KANSL1: variants seen among roughly 807,000 people sequenced by gnomAD.
KANSL1 encodes the protein MLL1/MLL complex subunit KANSL1.
A neutral mutation model predicts 103.6 loss-of-function variants in KANSL1; 22 were observed. That is an observed-to-expected ratio of 0.21 (90% CI 0.15 to 0.30). The LOEUF (loss-of-function observed/expected upper bound fraction) is 0.30. Ranked by LOEUF, KANSL1 falls within the 10% of genes least tolerant of loss-of-function variation. KANSL1 has a pLI of 1.00. For missense variants in KANSL1, 1,337 were observed against 1,399.8 expected (o/e 0.96, Z 0.72); for synonymous variants, 600 against 527.6 (o/e 1.14, Z -1.88).
At chr17:46,177,470 T>TA (rs919135323) in intron 1 of KANSL1, among the ~76,000 whole-genome samples, 1 of 152,206 alleles carries the variant, frequency 6.6e-6, no homozygotes, top group Non-Finnish European at 1.5e-5. Context: ...AAAACTCGGT[T>TA]AAATTATTAA....
At chr17:46,091,142 C>T (rs111364350) in intron 3 of KANSL1, among the ~76,000 whole-genome samples, 21,662 of 151,904 alleles carry the variant, frequency 0.14, 2,122 homozygotes, top group Non-Finnish European at 0.22. Flanking sequence ...ACAGTAATAC[C>T]GACAAACCTG....
intron 2 of KANSL1, among the ~76,000 whole-genome samples, chr17:46,097,506 C>T (rs1422681195): frequency 1.3e-5 from 2 of 152,184 alleles, no homozygotes; most frequent in Non-Finnish European, 2.9e-5. Context: ...TCCTCATTAT[C>T]TCTGGAAAGG....
At chr17:46,043,292 T>A (rs1285299522) in intron 7 of KANSL1, 1 of 149,292 alleles carries the variant, frequency 6.7e-6, no homozygotes, top group African/African-American at 2.4e-5. Flanking sequence ...CTCCCAAATC[T>A]GAAAATGAAG....
intron 4 of KANSL1, among the ~76,000 whole-genome samples, chr17:46,077,975 T>A (rs1234580976): frequency 2.6e-5 from 4 of 152,188 alleles, no homozygotes; most frequent in African/African-American, 9.7e-5. Context: ...CATATTCTCA[T>A]GTTTATTCAT....
chr17:46,225,094 A>C (rs2048644656), upstream of KANSL1, among the ~76,000 whole-genome samples: 1 of 151,528 alleles, frequency 6.6e-6, no homozygotes, highest in African/African-American at 2.4e-5. Flanking sequence ...CAGGCCTACG[A>C]GTGGGCGCTG....
chr17:46,118,118 A>C (rs949264313), intron 2 of KANSL1, among the ~76,000 whole-genome samples: 1 of 152,214 alleles, frequency 6.6e-6, no homozygotes, highest in Non-Finnish European at 1.5e-5. Flanking sequence ...ATAATCTGTG[A>C]TATGAAGCAA....
chr17:46,150,945 A>AC (rs71138527), intron 2 of KANSL1, among the ~76,000 whole-genome samples: 2 of 142,676 alleles, frequency 1.4e-5, no homozygotes, highest in Non-Finnish European at 1.5e-5. Flanking sequence ...AAAAAAAAAA[A>AC]CACGAGTATC....
chr17:46,128,008 G>A (rs918418444), intron 2 of KANSL1, among the ~76,000 whole-genome samples: 3 of 151,520 alleles, frequency 2.0e-5, no homozygotes, highest in African/African-American at 7.3e-5. Context: ...TACAAACAAA[G>A]TCTCGCTATA....
chr17:46,147,097 T>C (rs989881543), intron 2 of KANSL1, among the ~76,000 whole-genome samples: 1 of 152,132 alleles, frequency 6.6e-6, no homozygotes, highest in East Asian at 1.9e-4. Flanking sequence ...AGCCAATGAA[T>C]TGACTAAGAA....
chr17:46,107,459 T>C (rs907027828), intron 2 of KANSL1, among the ~76,000 whole-genome samples: 9 of 112,996 alleles, frequency 8.0e-5, no homozygotes, highest in African/African-American at 2.4e-4. Flanking sequence ...CCAACAAAGG[T>C]GAGTACTCCC....
At chr17:46,136,651 C>T (rs547748771) in intron 2 of KANSL1, among the ~76,000 whole-genome samples, 1 of 152,260 alleles carries the variant, frequency 6.6e-6, no homozygotes, top group South Asian at 2.1e-4. Context: ...ACCTAGGTTC[C>T]ACGTTTCCAA....
intron 2 of KANSL1, among the ~76,000 whole-genome samples, chr17:46,112,730 T>A (rs76052764): frequency 8.7e-6 from 1 of 115,524 alleles, no homozygotes; most frequent in Admixed American, 9.3e-5. Context: ...ATAAATTTTT[T>A]TTTTTTTTGA....
At chr17:46,177,892 C>T (rs537763491) in intron 1 of KANSL1, among the ~76,000 whole-genome samples, 3 of 152,276 alleles carry the variant, frequency 2.0e-5, no homozygotes, top group South Asian at 2.1e-4. Context: ...ATTCTCCTGC[C>T]TCAGCCTCCC....
intron 1 of KANSL1, among the ~76,000 whole-genome samples, chr17:46,213,942 A>T (rs954501486): frequency 6.6e-6 from 1 of 152,068 alleles, no homozygotes; most frequent in Non-Finnish European, 1.5e-5. Flanking sequence ...AATATGCAAG[A>T]ACTAATGTCA....
At chr17:46,084,527 CA>C (rs910392666) in intron 3 of KANSL1, among the ~76,000 whole-genome samples, 2 of 151,374 alleles carry the variant, frequency 1.3e-5, no homozygotes, top group East Asian at 3.9e-4. Flanking sequence ...AGTAAAAATA[CA>C]AAAAATAGCT....
chr17:46,077,916 C>A (rs1285869520), intron 4 of KANSL1, among the ~76,000 whole-genome samples: 1 of 150,488 alleles, frequency 6.6e-6, no homozygotes, highest in Non-Finnish European at 1.5e-5. Context: ...TCATTAAGTT[C>A]CTCAATTTTT....
At chr17:46,099,953 C>T (rs2042238653) in intron 2 of KANSL1, among the ~76,000 whole-genome samples, 1 of 152,192 alleles carries the variant, frequency 6.6e-6, no homozygotes, top group South Asian at 2.1e-4. Context: ...GCTTTTGTGA[C>T]ACCACATGAA....
chr17:46,093,457 C>A (rs1188221310), intron 3 of KANSL1: 1 of 151,938 alleles, frequency 6.6e-6, no homozygotes, highest in Non-Finnish European at 1.5e-5. Context: ...TTAAAGTATG[C>A]TCTATTGAAC....
At chr17:46,176,852 A>G (rs1199037779) in intron 1 of KANSL1, among the ~76,000 whole-genome samples, 4 of 152,192 alleles carry the variant, frequency 2.6e-5, no homozygotes, top group African/African-American at 9.7e-5. Context: ...TGTAGTTACT[A>G]AAACAATCAT....
Sources: allele counts gnomAD v4.1 joint callset (sites outside exome capture counted in the v4.1 genomes callset), GRCh38; gene constraint gnomAD v4.1.1; transcripts MANE v1.5; gene names NCBI Gene and HGNC (gene_info 2026-07-23, HGNC 2026-07-21).